KALRN: variants seen among roughly 807,000 people sequenced by gnomAD.
KALRN encodes the protein kalirin RhoGEF kinase, also known as kalirin.
A neutral mutation model predicts 353.7 loss-of-function variants in KALRN; 70 were observed. That is an observed-to-expected ratio of 0.20 (90% CI 0.16 to 0.24). The LOEUF is 0.24. KALRN is among the 10% of genes least tolerant of loss of function. The probability of loss-of-function intolerance (pLI) is 1.00; values close to 1 mark genes in which losing one functional copy is unlikely to be tolerated. For missense variants in KALRN, 2,791 were observed against 3,756.7 expected, an observed-to-expected ratio of 0.74 and a Z score of 6.72; for synonymous variants, 1,391 against 1,434.8, an observed-to-expected ratio of 0.97 and a Z score of 0.69.
At chr3:124,201,631 A>G (rs2075953559) in intron 1 of KALRN, among the ~76,000 whole-genome samples, 1 of 152,236 alleles carries the variant, frequency 6.6e-6, no homozygotes, top group East Asian at 1.9e-4. Context: ...TGGTCTGTAC[A>G]GGTTGATGGA....
intron 33 of KALRN, chr3:124,562,627 C>A: frequency 1.3e-4 from 46 of 365,206 alleles, no homozygotes; most frequent in South Asian, 2.4e-4. Flanking sequence ...GTGCTAATTA[C>A]ATTTTTTTCT....
At chr3:124,406,832 C>CT (rs10686645) in intron 13 of KALRN, among the ~76,000 whole-genome samples, 15,213 of 126,010 alleles carry the variant, frequency 0.12, 1,330 homozygotes, top group East Asian at 0.21. Context: ...AGTTGCTTTG[C>CT]TTTTTTTTTT....
intron 33 of KALRN, chr3:124,519,948 T>A (rs1675105583): frequency 1.1e-6 from 1 of 910,146 alleles, no homozygotes; most frequent in Admixed American, 6.2e-5. Flanking sequence ...TCCAGAAAGA[T>A]CTGTCAAGCT....
chr3:124,521,824 C>T (rs1204834018), intron 33 of KALRN, among the ~76,000 whole-genome samples: 2 of 151,984 alleles, frequency 1.3e-5, no homozygotes, highest in Admixed American at 1.3e-4. Context: ...GGTCTCACCC[C>T]AATACTTTCT....
At chr3:124,363,418 A>C (rs1008201105) in intron 10 of KALRN, among the ~76,000 whole-genome samples, 1 of 152,164 alleles carries the variant, frequency 6.6e-6, no homozygotes. Flanking sequence ...AGCTCCCCTA[A>C]CCTTGCCAAG....
At chr3:124,255,471 T>C (rs763316767) in intron 3 of KALRN, among the ~76,000 whole-genome samples, 3 of 152,222 alleles carry the variant, frequency 2.0e-5, no homozygotes, top group Admixed American at 1.3e-4. Context: ...AGCCACAAAG[T>C]AAATGCTCAA....
At chr3:124,479,716 A>ATTTT (rs142639039) in intron 27 of KALRN, among the ~76,000 whole-genome samples, 1 of 86,802 alleles carries the variant, frequency 1.2e-5, no homozygotes, top group African/African-American at 4.2e-5. Context: ...ACGATCCAGA[A>ATTTT]TTTTTTTTTT....
intron 1 of KALRN, among the ~76,000 whole-genome samples, chr3:124,089,831 G>A (rs963519875): frequency 1.3e-5 from 2 of 152,150 alleles, no homozygotes; most frequent in Non-Finnish European, 2.9e-5. Context: ...AGGGAAGGGA[G>A]TCATGGACTC....
chr3:124,437,689 CA>C (rs397876079), intron 17 of KALRN, among the ~76,000 whole-genome samples: 8,137 of 47,946 alleles, frequency 0.17, 113 homozygotes, highest in East Asian at 0.39. Flanking sequence ...GATTCCGTCT[CA>C]AAAAAAAAAA....
intron 5 of KALRN, among the ~76,000 whole-genome samples, chr3:124,295,311 A>T (rs1024751967): frequency 1.3e-5 from 2 of 152,216 alleles, no homozygotes; most frequent in African/African-American, 4.8e-5. Context: ...AAACTTTTCC[A>T]GAATGTCCCA....
At chr3:124,195,360 TG>T (rs754784836) in intron 1 of KALRN, among the ~76,000 whole-genome samples, 1 of 152,168 alleles carries the variant, frequency 6.6e-6, no homozygotes, top group Non-Finnish European at 1.5e-5. Context: ...GCTCCTGTGT[TG>T]GAAGGATCAA....
chr3:124,549,903 A>G (rs944852349), intron 33 of KALRN, among the ~76,000 whole-genome samples: 1 of 152,138 alleles, frequency 6.6e-6, no homozygotes, highest in Non-Finnish European at 1.5e-5. Context: ...GAGATCAAGC[A>G]GATAAAATAC....
At chr3:124,230,872 CAAAAAA>C (rs35463459) in intron 2 of KALRN, among the ~76,000 whole-genome samples, 1 of 129,006 alleles carries the variant, frequency 7.8e-6, no homozygotes, top group South Asian at 2.5e-4. Context: ...AAAAAAAAAA[CAAAAAA>C]AAAACACCAA....
rs1295283373 is a variant in KALRN at position 124,719,258 on chromosome 3, G to T, written c.8749G>T (p.Val2917Leu). 1 of 1,614,230 alleles carries T rather than the reference G, an allele frequency of 6.2e-7. No individual in the cohort carries two copies. The highest frequency in any genetic ancestry group is 1.7e-5 in the Admixed American group (1 of 60,032). Residue 2917 changes from valine to leucine, a missense_variant, in exon 60 of 60, where the codon GTG becomes TTG. Around this residue, in one of 11 missense-constraint regions of KALRN, gnomAD observed 188 missense variants for 402.9 expected, o/e 0.47. Transcript: ENST00000682506. This position sits in a 1 kb window ranked among gnomAD's most constrained non-coding sequence, Gnocchi z 5.3. ...VSNAARDFIN[V>L]ILQEDFRRRP... ...CAATGCTGCCAGAGATTTCATCAAT[G>T]TGATCTTACAGGAAGATTTTCGGAG...
chr3:124,383,643 A>T (rs2087753435), intron 10 of KALRN, among the ~76,000 whole-genome samples: 1 of 152,116 alleles, frequency 6.6e-6, no homozygotes, highest in Non-Finnish European at 1.5e-5. Flanking sequence ...CTATAGTATG[A>T]TTTAAACTTA....
rs147315682 is a variant in KALRN at position 124,430,723 on chromosome 3, C to T, written c.2777C>T (p.Ser926Leu). Residue 926 changes from serine to leucine, a missense_variant, in exon 16 of 60, where the codon TCG (serine) becomes TTG (leucine). Around this residue, in one of 11 missense-constraint regions of KALRN, gnomAD observed 452 missense variants for 575.8 expected, o/e 0.78. Transcript: ENST00000682506. Reference sequence around the variant, plus strand: ...AGCCTGGTCAATGCCAGCTCTTTGTCGGAAGCAGAGCAGCTGCAGCGGGAG... The same window carrying T: ...AGCCTGGTCAATGCCAGCTCTTTGTTGGAAGCAGAGCAGCTGCAGCGGGAG... ...NASLVNASSLSEAEQLQREHE... is the reference protein window; with the variant it reads ...NASLVNASSLLEAEQLQREHE... 1.7e-5 allele frequency: 28 copies of T among 1,614,138 alleles called. No homozygotes were observed. Among genetic ancestry groups the T allele is most frequent in the South Asian group, 1.4e-4 (13 of 91,078 alleles).
In KALRN at chr3:124,381,726, C is replaced by T. The variant is rs536076319; in HGVS notation, c.1771-3119C>T. Reference sequence around the variant, plus strand: ...CCTACTCATTTGTGTCTTGTTTGTTCAACAAACATTTAGTAAATGCCTATT... The same window carrying T: ...CCTACTCATTTGTGTCTTGTTTGTTTAACAAACATTTAGTAAATGCCTATT... On this transcript the variant is annotated intron_variant, in intron 10 of 59. Coordinates refer to ENST00000682506, the MANE Select transcript of KALRN (RefSeq NM_001388419.1). Among the ~76,000 whole-genome samples, 5 of 152,262 alleles carry T rather than the reference C, an allele frequency of 3.3e-5. No individual in the cohort carries two copies. The South Asian group carries it at 8.3e-4, about 25-fold the overall frequency.
chr3:124,638,348 A>C (rs906074573), intron 37 of KALRN, among the ~76,000 whole-genome samples: 9 of 149,044 alleles, frequency 6.0e-5, no homozygotes, highest in South Asian at 4.2e-4. Context: ...AAAAAAAAAA[A>C]CAAAAACCTG....
intron 37 of KALRN, among the ~76,000 whole-genome samples, chr3:124,639,932 C>T (rs1181683108): frequency 6.6e-6 from 1 of 152,126 alleles, no homozygotes; most frequent in Non-Finnish European, 1.5e-5. Context: ...TGGTCCTTTC[C>T]ACCACTTTCT....
Sources: gnomAD v4.1 joint callset for allele counts (sites outside exome capture counted in the v4.1 genomes callset) on GRCh38, gnomAD v4.1.1 for gene constraint, gnomAD v4.1.1 regional missense constraint, Gnocchi (gnomAD v3.1) non-coding constraint, MANE v1.5 for transcripts, NCBI Gene and HGNC (gene_info 2026-07-23, HGNC 2026-07-21) for gene names.